The following GAPVD1 variants were observed in gnomAD, a reference collection of about 807,000 sequenced individuals.
GAPVD1 encodes the protein GTPase activating protein and VPS9 domains 1.
A neutral mutation model predicts 155.5 loss-of-function variants in GAPVD1; 35 were observed. The ratio of observed to expected loss-of-function variants is 0.23; its 90% confidence interval spans 0.17 to 0.30. GAPVD1 has a LOEUF of 0.30. Ranked by LOEUF, GAPVD1 falls within the 10% of genes least tolerant of loss-of-function variation. The pLI is 1.00. For missense variants in GAPVD1, 1,429 were observed against 1,775.7 expected (o/e 0.80, Z 3.51); for synonymous variants, 636 against 619.7 (o/e 1.03, Z -0.39).
chr9:125,334,323 A>G (rs10986706), intron 15 of GAPVD1, among the ~76,000 whole-genome samples: 2,031 of 152,050 alleles, frequency 0.013, 100 homozygotes, highest in East Asian at 0.085. Context: ...TGATGAAGGA[A>G]TAAAAATTAC....
chr9:125,272,815 G>C (rs1365808696), intron 2 of GAPVD1, among the ~76,000 whole-genome samples: 1 of 152,152 alleles, frequency 6.6e-6, no homozygotes, highest in Admixed American at 6.5e-5. Context: ...AAATGTACAT[G>C]ACAGCCCTCT....
Position 125,301,963 on chromosome 9 carries a change from CTTTT to C in GAPVD1, c.186-6_186-3del, listed in dbSNP as rs397893733. 3,611 of 1,376,524 alleles carry C rather than the reference CTTTT, an allele frequency of 2.6e-3. No homozygotes were observed. Among genetic ancestry groups the C allele is most frequent in the South Asian group, 4.4e-3 (298 of 67,614 alleles). The allele number at this position is 1,376,524 out of a possible 1,614,324, so 85.3% of individuals were successfully genotyped here. A position where few individuals can be genotyped will look rare whatever the true frequency, so the allele number is the denominator to read the frequency against. ...AATACTATTATTTTGCTTGTTTGCTCTTTTTTTTTTTTTTTTTAGTGCTGAAGCT... is the reference window on the plus strand; with the variant it reads ...AATACTATTATTTTGCTTGTTTGCTCTTTTTTTTTTTTTAGTGCTGAAGCT... On this transcript the variant is annotated splice_polypyrimidine_tract_variant and intron_variant, in intron 4 of 27. Transcript: ENST00000297933.
chr9:125,309,009 T>A (rs1248947668), intron 8 of GAPVD1: 1 of 152,208 alleles, frequency 6.6e-6, no homozygotes, highest in East Asian at 1.9e-4. Context: ...AAAAAGTGTT[T>A]AAGCCAGGGG....
In GAPVD1 at chr9:125,298,780, G is replaced by A. The variant is rs1232774746; in HGVS notation, c.-32-110G>A. 31 of 546,732 alleles carry A rather than the reference G, an allele frequency of 5.7e-5. No individual in the cohort carries two copies. The East Asian group carries it at 8.4e-4, about 15-fold the overall frequency. The allele number at this position is 546,732 out of a possible 1,614,324, so 33.9% of individuals were successfully genotyped here. On this transcript the variant is annotated intron_variant, in intron 3 of 27. Transcript: ENST00000297933. ...TGGGATTATAGGCATGAGCCACCGC[G>A]CCTGCCCAAATGTAACTGAATTCTT...
intron 19 of GAPVD1, among the ~76,000 whole-genome samples, chr9:125,343,849 G>A (rs1395484365): frequency 6.6e-6 from 1 of 152,170 alleles, no homozygotes; most frequent in Non-Finnish European, 1.5e-5. Flanking sequence ...AAGAACACTA[G>A]CGTTTACAAA....
chr9:125,301,958 T>G (rs1466355743), intron 4 of GAPVD1, 25 bp from the exon 5 acceptor site: 1 of 1,499,516 alleles, frequency 6.7e-7, no homozygotes, highest in African/African-American at 1.4e-5. Context: ...TTTTGCTTGT[T>G]TGCTCTTTTT....
At chr9:125,283,399 C>T (rs1312088507) in intron 2 of GAPVD1, among the ~76,000 whole-genome samples, 2 of 152,042 alleles carry the variant, frequency 1.3e-5, no homozygotes, top group Non-Finnish European at 2.9e-5. Context: ...CTGTGTTGCC[C>T]AGGCTGAAGT....
chr9:125,349,375 G>T lies in GAPVD1; in HGVS notation c.3170-15G>T. 1 of 1,607,022 alleles carries T rather than the reference G, an allele frequency of 6.2e-7. No individual in the cohort carries two copies. The highest frequency in any genetic ancestry group is 1.3e-5 in the African/African-American group (1 of 74,862). On this transcript the variant is annotated splice_polypyrimidine_tract_variant and intron_variant, in intron 20 of 27. Transcript: ENST00000297933. Reference sequence around the variant, plus strand: ...GAACCTGGGTATCCGTTTCTTGGGGGTGGGTTTTGTTTAGAGGTTATGGGT... The same window carrying T: ...GAACCTGGGTATCCGTTTCTTGGGGTTGGGTTTTGTTTAGAGGTTATGGGT...
At chr9:125,335,267 A>C (rs767541417) in intron 15 of GAPVD1, 1 of 688,006 alleles carries the variant, frequency 1.5e-6, no homozygotes, top group Non-Finnish European at 2.7e-6. Flanking sequence ...GCTGTACATT[A>C]AAAATACTTG....
chr9:125,271,091 A>C (rs1315402706), intron 2 of GAPVD1, among the ~76,000 whole-genome samples: 1 of 152,216 alleles, frequency 6.6e-6, no homozygotes, highest in East Asian at 1.9e-4. Context: ...GTATAATTTA[A>C]TTCTAATACT....
Position 125,337,046 on chromosome 9 carries a change from T to C in GAPVD1, c.2457T>C (p.Ser819=). The C allele has an allele frequency of 9.3e-6, 15 of 1,612,970 alleles. No homozygotes were observed. Among genetic ancestry groups the C allele is most frequent in the Non-Finnish European group, 1.3e-5 (15 of 1,178,938 alleles). ...CCCACCAGCTGACCTCTCCTCCTTC[T>C]CAGTCAGAGTCTCTGCTGGCCATGT... ...HGAHQLTSPP[S]QSESLLAMFD... Residue 819 remains serine, a synonymous_variant, in exon 16 of 28, where the codon TCT becomes TCC. Coordinates refer to ENST00000297933, the MANE Select transcript of GAPVD1 (RefSeq NM_001282680.3).
Position 125,302,746 on chromosome 9 carries a change from C to T in GAPVD1, c.949C>T (p.Pro317Ser), listed in dbSNP as rs1841101269. ...TCTCCTGTTGGCCTGCTTCATTTGT[C>T]CTGCAGTTGTCAATCCAGAACAATA... ...TDLLLACFIC[P>S]AVVNPEQYGI... Residue 317 changes from proline (P) to serine (S), a missense_variant, in exon 5 of 28, where the codon CCT (proline) becomes TCT (serine). Physicochemically the swap from Pro to Ser is moderately conservative, Grantham distance 74. This residue lies in a region of GAPVD1 where 628 missense variants were observed against 733.4 expected (regional missense o/e 0.86). Transcript: ENST00000297933. 1 of 1,614,036 alleles carries T rather than the reference C, an allele frequency of 6.2e-7. No individual in the cohort carries two copies. Among genetic ancestry groups the T allele is most frequent in the South Asian group, 1.1e-5 (1 of 91,068 alleles).
At chr9:125,351,313 A>G (rs953014339) in intron 23 of GAPVD1, among the ~76,000 whole-genome samples, 2 of 152,220 alleles carry the variant, frequency 1.3e-5, no homozygotes, top group South Asian at 2.1e-4. Flanking sequence ...GGAATTCAAG[A>G]TGAGATTCGG....
chr9:125,361,909 G>A (rs1290817730), intron 27 of GAPVD1, among the ~76,000 whole-genome samples: 3 of 152,186 alleles, frequency 2.0e-5, no homozygotes, highest in Admixed American at 2.0e-4. Context: ...TGTGACATAT[G>A]TCTTACTATT....
Position 125,315,824 on chromosome 9 carries a change from G to A in GAPVD1, c.1602+3212G>A, listed in dbSNP as rs573484172. The stretch of plus-strand genomic sequence containing the variant: ...ATCTACCAGGTTGTACACATACCCA[G>A]GGCTGGTCATGTGCTCAGGAAAGAC... On this transcript the variant is annotated intron_variant, in intron 9 of 27. Coordinates refer to ENST00000297933, the MANE Select transcript of GAPVD1 (RefSeq NM_001282680.3). 3.3e-5 allele frequency among the ~76,000 whole-genome samples: 5 copies of A among 152,120 alleles called. No homozygotes were observed. In the East Asian group the frequency reaches 5.8e-4, roughly 18 times the overall value.
chr9:125,343,306 C>T (rs747713893), intron 19 of GAPVD1, among the ~76,000 whole-genome samples: 9 of 151,454 alleles, frequency 5.9e-5, no homozygotes, highest in Non-Finnish European at 1.3e-4. Flanking sequence ...AAAGATTGAA[C>T]ACCCCTGGTC....
chr9:125,350,660 T>A, intron 22 of GAPVD1, 53 bp from the exon 23 acceptor site: 3 of 1,140,998 alleles, frequency 2.6e-6, no homozygotes, highest in Non-Finnish European at 3.9e-6. Context: ...ATTAGCTTAT[T>A]TAAGCACATG....
chr9:125,325,133 G>A (rs1263103159), intron 11 of GAPVD1, among the ~76,000 whole-genome samples: 2 of 152,152 alleles, frequency 1.3e-5, no homozygotes, highest in East Asian at 1.9e-4. Context: ...GCTGAGGCAC[G>A]AGAATCGCTT....
chr9:125,270,298 G>A lies in GAPVD1; in HGVS notation c.-150+1314G>A, dbSNP rs569659640. 7.6e-4 allele frequency among the ~76,000 whole-genome samples: 115 copies of A among 151,836 alleles called. No homozygotes were observed. The East Asian group carries it at 0.02, about 26-fold the overall frequency. On this transcript the variant is annotated intron_variant, in intron 2 of 27. Coordinates refer to ENST00000297933, the MANE Select transcript of GAPVD1 (RefSeq NM_001282680.3). ...ACAAAAATTAGCTGGGTGTGGTGGC[G>A]CACACCTGTAGTCCCAGCTACTTGG...
Sources: gnomAD v4.1 joint callset for allele counts (sites outside exome capture counted in the v4.1 genomes callset) on GRCh38, gnomAD v4.1.1 for gene constraint, gnomAD v4.1.1 regional missense constraint, MANE v1.5 for transcripts, NCBI Gene and HGNC (gene_info 2026-07-23, HGNC 2026-07-21) for gene names.